IGF2R: variants seen among roughly 807,000 people sequenced by gnomAD.
IGF2R encodes the protein insulin like growth factor 2 receptor.
In IGF2R, 91 loss-of-function variants were observed where a neutral mutation model predicts 270.6. The observed-to-expected ratio is 0.34, with a 90% confidence interval of 0.28 to 0.40. The LOEUF (loss-of-function observed/expected upper bound fraction) is 0.40, where lower values mean the gene tolerates loss of function less well. IGF2R is among the 10% of genes least tolerant of loss of function. The probability of loss-of-function intolerance (pLI) is 1.00; values close to 1 mark genes in which losing one functional copy is unlikely to be tolerated. For synonymous variants in IGF2R, 1,316 were observed against 1,258.9 expected (o/e 1.05, Z -0.96); for missense variants, 2,805 against 3,188.3 (o/e 0.88, Z 2.90).
intron 1 of IGF2R, among the ~76,000 whole-genome samples, chr6:159,980,231 G>GAAAGAAAGAGAAAAGAAAGAAAAGAAAGA (rs1783774192): frequency 1.7e-5 from 2 of 114,424 alleles, no homozygotes; most frequent in African/African-American, 3.1e-5. Flanking sequence ...AAGAAAGAAA[G>GAAAGAAAGAGAAAAGAAAGAAAAGAAAGA]AAAGAAAGGT....
At chr6:159,980,725 G>T (rs1783786545) in intron 1 of IGF2R, among the ~76,000 whole-genome samples, 1 of 151,978 alleles carries the variant, frequency 6.6e-6, no homozygotes, top group Non-Finnish European at 1.5e-5. Flanking sequence ...CACACTCCAG[G>T]AAGGGCCCTG....
intron 11 of IGF2R, 91 bp from the exon 12 acceptor site, chr6:160,043,057 G>A (rs1398352687): frequency 7.1e-7 from 1 of 1,404,276 alleles, no homozygotes; most frequent in Non-Finnish European, 9.9e-7. Flanking sequence ...GGAACTTTGA[G>A]CCCTTGACTT....
Position 160,089,979 on chromosome 6 carries a change from T to G in IGF2R, c.6531T>G (p.Leu2177=). The G allele has an allele frequency of 6.2e-7, 1 of 1,607,428 alleles. No individual in the cohort carries two copies. Among genetic ancestry groups the G allele is most frequent in the Non-Finnish European group, 8.5e-7 (1 of 1,177,060 alleles). The change falls in exon 44 of 48, where the codon CTT becomes CTG. Residue 2177 remains leucine (L), a synonymous_variant. Coordinates refer to ENST00000356956, the MANE Select transcript of IGF2R (RefSeq NM_000876.4). Reference sequence around the variant, plus strand: ...ACAACTACCTGTATGAGATCCAACTTTCCTCCATCACAAGCTCCAGAAACC... The same window carrying G: ...ACAACTACCTGTATGAGATCCAACTGTCCTCCATCACAAGCTCCAGAAACC... ...NGDNYLYEIQ[L]SSITSSRNPA...
rs1779602081 is a variant in IGF2R, at chr6:160,105,769, C to T, written c.*685C>T. On this transcript the variant is annotated 3_prime_UTR_variant, in exon 48 of 48. Coordinates refer to ENST00000356956, the MANE Select transcript of IGF2R (RefSeq NM_000876.4). The stretch of plus-strand genomic sequence containing the variant: ...AGTGCCTAGGTTTTGGAGAGTTTGC[C>T]TGTTCTATGCCTTTAGTCAGGAATG... 1 of 152,656 alleles carries T rather than the reference C, an allele frequency of 6.6e-6. No individual in the cohort carries two copies. The highest frequency in any genetic ancestry group is 2.4e-5 in the African/African-American group (1 of 41,442). 9.5% of individuals were successfully genotyped at this position (152,656 alleles called of 1,614,324 possible). A position where few individuals can be genotyped will look rare whatever the true frequency, so the allele number is the denominator to read the frequency against.
intron 31 of IGF2R, among the ~76,000 whole-genome samples, chr6:160,071,028 C>T: frequency 6.6e-6 from 1 of 152,138 alleles, no homozygotes; most frequent in Non-Finnish European, 1.5e-5. Flanking sequence ...TGTGGGGCCC[C>T]TGTGCCCAGG....
intron 16 of IGF2R, 96 bp from the exon 17 acceptor site, chr6:160,047,696 C>T: frequency 1.2e-6 from 1 of 805,600 alleles, no homozygotes; most frequent in East Asian, 2.4e-5. Flanking sequence ...CACAGTTTCT[C>T]ATTGGGAACA....
intron 11 of IGF2R, among the ~76,000 whole-genome samples, chr6:160,041,029 G>A (rs1175074856): frequency 6.6e-6 from 1 of 152,118 alleles, no homozygotes; most frequent in Non-Finnish European, 1.5e-5. Context: ...GATCCTCTAG[G>A]CAGATGGATG....
chr6:160,017,527 T>C (rs185609482), intron 4 of IGF2R, among the ~76,000 whole-genome samples: 92 of 152,308 alleles, frequency 6.0e-4, no homozygotes, highest in Non-Finnish European at 7.2e-4. Context: ...TAAGGAAATA[T>C]GTTGCAAGGA....
chr6:160,029,368 A>AC lies in IGF2R; in HGVS notation c.777-181dup, dbSNP rs201895164. ...TAACACTCACTGGAGTTTACTTAAAACTTTTTTTTTTTTCAAATGGAAATA... is the reference window on the plus strand; with the variant it reads ...TAACACTCACTGGAGTTTACTTAAAACCTTTTTTTTTTTTCAAATGGAAATA... On this transcript the variant is annotated intron_variant, in intron 6 of 47. Transcript: ENST00000356956. Among the ~76,000 whole-genome samples, 416 of 142,964 alleles carry AC rather than the reference A, an allele frequency of 2.9e-3. 1 individual carries two copies. Among genetic ancestry groups the AC allele is most frequent in the African/African-American group, 9.7e-3 (391 of 40,226 alleles). 93.8% of individuals were successfully genotyped at this position (142,964 alleles called of 152,430 possible). A position where few individuals can be genotyped will look rare whatever the true frequency, so the allele number is the denominator to read the frequency against.
rs370316809 is a variant in IGF2R at position 160,090,970 on chromosome 6, C to G, written c.6655+867C>G. 3.4e-5 allele frequency among the ~76,000 whole-genome samples: 5 copies of G among 146,048 alleles called. No homozygotes were observed. The East Asian group carries it at 6.2e-4, about 18-fold the overall frequency. The stretch of plus-strand genomic sequence containing the variant: ...GCATCGCCGAGAAGGAGCGGGTGCT[C>G]TGTGCCCTGGTGCTGAGCGCATCGC... On this transcript the variant is annotated intron_variant, in intron 44 of 47. Coordinates refer to ENST00000356956, the MANE Select transcript of IGF2R (RefSeq NM_000876.4).
At chr6:160,053,081 T>G (rs1172637636) in intron 19 of IGF2R, among the ~76,000 whole-genome samples, 2 of 152,016 alleles carry the variant, frequency 1.3e-5, no homozygotes, top group Non-Finnish European at 2.9e-5. Flanking sequence ...AATAGACAAA[T>G]GGGATCTAAT....
chr6:160,045,969 G>T, intron 14 of IGF2R, 87 bp downstream of exon 14: 1 of 1,209,016 alleles, frequency 8.3e-7, no homozygotes, highest in Non-Finnish European at 1.1e-6. Flanking sequence ...GGTTTTCAAG[G>T]TGACCCGCCT....
intron 21 of IGF2R, 73 bp from the exon 22 acceptor site, chr6:160,058,833 T>C: frequency 7.6e-7 from 1 of 1,314,174 alleles, no homozygotes; most frequent in Non-Finnish European, 1.1e-6. Flanking sequence ...GATTTGGAGT[T>C]GCTAGGGTTC....
rs756636242 is a variant in IGF2R at position 160,060,587 on chromosome 6, T to A, written c.3132T>A (p.Asp1044Glu). Residue 1044 changes from aspartate to glutamate, a missense_variant, in exon 23 of 48, where the codon GAT becomes GAA. Transcript: ENST00000356956. ...TTATCGTCCGCTTTGTTTGCAATGA[T>A]GATGTTTACTCAGGGCCCCTCAAAT... ...DAFIVRFVCN[D>E]DVYSGPLKFL... is the part of the protein sequence containing the mutation. 6.2e-7 allele frequency: 1 copy of A among 1,614,276 alleles called. No individual in the cohort carries two copies. The highest frequency in any genetic ancestry group is 8.5e-7 in the Non-Finnish European group (1 of 1,180,050).
Position 160,058,052 on chromosome 6 carries a change from A to G in IGF2R, c.2826A>G (p.Gly942=), listed in dbSNP as rs775662423. 1.2e-6 allele frequency: 2 copies of G among 1,613,538 alleles called. No homozygotes were observed. The highest frequency in any genetic ancestry group is 1.3e-5 in the African/African-American group (1 of 74,874). The change falls in exon 21 of 48, where the codon GGA becomes GGG. Residue 942 remains glycine (G), a synonymous_variant. Transcript: ENST00000356956. ...GCTCTATAAGGGATCCCAACAGTGG[A>G]TTTGTGTTTAATCTTAATCCGCTAA... ...QACSIRDPNS[G]FVFNLNPLNS...
chr6:160,023,189 G>A (rs764471176), intron 4 of IGF2R, among the ~76,000 whole-genome samples: 1 of 152,168 alleles, frequency 6.6e-6, no homozygotes, highest in South Asian at 2.1e-4. Context: ...GCTTGGACAG[G>A]GTGGCGATGG....
chr6:160,064,467 C>T lies in IGF2R; in HGVS notation c.3953C>T (p.Thr1318Ile), dbSNP rs763173606. ...AAAATGAACTTCACGGGGGGGGACA[C>T]TTGCCATAAGGTTTATCAGCGCTCC... ...LLKMNFTGGD[T>I]CHKVYQRSTA... is the part of the protein sequence containing the mutation. The change falls in exon 28 of 48, where the codon ACT (threonine) becomes ATT (isoleucine). Residue 1318 changes from threonine (T) to isoleucine (I), a missense_variant. Physicochemically the swap from Thr to Ile is moderately conservative, Grantham distance 89. This residue lies in a region of IGF2R where 1,851 missense variants were observed against 2,207.2 expected (regional missense o/e 0.84). Coordinates refer to ENST00000356956, the MANE Select transcript of IGF2R (RefSeq NM_000876.4). The T allele has an allele frequency of 4.8e-5, 77 of 1,613,966 alleles. No individual in the cohort carries two copies. In the East Asian group the frequency reaches 1.7e-3, roughly 35 times the overall value.
At chr6:160,051,649 A>C (rs1306341269) in intron 19 of IGF2R, among the ~76,000 whole-genome samples, 1 of 152,170 alleles carries the variant, frequency 6.6e-6, no homozygotes, top group Non-Finnish European at 1.5e-5. Flanking sequence ...GTGTAATACA[A>C]AACAGGAATA....
At chr6:160,099,713 G>A (rs9457838) in intron 45 of IGF2R, among the ~76,000 whole-genome samples, 4,225 of 152,198 alleles carry the variant, frequency 0.028, 192 homozygotes, top group African/African-American at 0.097. Context: ...GATGTCATTC[G>A]AGGACCTCCC....
Sources: allele counts gnomAD v4.1 joint callset (sites outside exome capture counted in the v4.1 genomes callset), GRCh38; gene constraint gnomAD v4.1.1; regional missense constraint gnomAD v4.1.1; transcripts MANE v1.5; gene names NCBI Gene and HGNC (gene_info 2026-07-23, HGNC 2026-07-21).